Variants in THSD4 observed in about 807,000 individuals in gnomAD.
The protein encoded by THSD4 is thrombospondin type-1 domain-containing protein 4.
Under a neutral mutation model 119.0 loss-of-function variants are expected in THSD4, and 69 were observed. The ratio of observed to expected loss-of-function variants is 0.58; its 90% CI spans 0.48 to 0.71. The LOEUF (loss-of-function observed/expected upper bound fraction) is 0.71. Ranked by LOEUF, THSD4 falls within the 30% of genes least tolerant of loss-of-function variation. The pLI is 0.00. For missense variants in THSD4, 1,393 were observed against 1,391.1 expected (o/e 1.00, Z -0.02); for synonymous variants, 524 against 540.4 (o/e 0.97, Z 0.42).
chr15:71,619,171 C>T (rs1028451376), intron 7 of THSD4, among the ~76,000 whole-genome samples: 12 of 151,706 alleles, frequency 7.9e-5, no homozygotes, highest in African/African-American at 1.9e-4. Flanking sequence ...GGGGTTTCAC[C>T]ATGTTGGCCA....
intron 6 of THSD4, chr15:71,341,662 T>C (rs373294747): frequency 1.3e-6 from 2 of 1,506,214 alleles, no homozygotes; most frequent in African/African-American, 2.7e-5. Flanking sequence ...TGGAACCTCT[T>C]GATTTGCCTG....
chr15:71,648,530 T>TTTG (rs199816918), intron 7 of THSD4, among the ~76,000 whole-genome samples: 3 of 152,334 alleles, frequency 2.0e-5, no homozygotes, highest in African/African-American at 4.8e-5. Flanking sequence ...CTTTAAGTTT[T>TTTG]TTGTTGTTGT....
At chr15:71,396,758 A>T (rs1405208666) in intron 6 of THSD4, among the ~76,000 whole-genome samples, 1 of 152,242 alleles carries the variant, frequency 6.6e-6, no homozygotes, top group African/African-American at 2.4e-5. Flanking sequence ...ATAACATTTT[A>T]AGATGTAACA....
intron 8 of THSD4, among the ~76,000 whole-genome samples, chr15:71,706,730 C>T (rs151042133): frequency 4.9e-4 from 74 of 152,234 alleles, no homozygotes; most frequent in Non-Finnish European, 7.9e-4. Context: ...ATGCTACCAA[C>T]GTGACATCTG....
intron 7 of THSD4, among the ~76,000 whole-genome samples, chr15:71,593,966 A>C (rs905499685): frequency 8.0e-5 from 12 of 150,124 alleles, no homozygotes; most frequent in Non-Finnish European, 1.6e-4. Flanking sequence ...GTTTGAAATC[A>C]CTAAGAATGG....
chr15:71,738,571 GT>G (rs1261186597), intron 11 of THSD4, among the ~76,000 whole-genome samples: 1 of 152,186 alleles, frequency 6.6e-6, no homozygotes, highest in Non-Finnish European at 1.5e-5. Context: ...AAAGGAAAAG[GT>G]GTGTTGGCAA....
intron 6 of THSD4, among the ~76,000 whole-genome samples, chr15:71,304,448 A>G (rs1241711964): frequency 1.2e-4 from 19 of 152,060 alleles, no homozygotes; most frequent in Admixed American, 1.2e-3. Flanking sequence ...TAGCATCTCT[A>G]TTCCAATGTA....
chr15:71,698,659 T>TAC (rs1244964448), intron 8 of THSD4, among the ~76,000 whole-genome samples: 2 of 149,280 alleles, frequency 1.3e-5, no homozygotes, highest in Non-Finnish European at 3.0e-5. Context: ...ATGAAATATA[T>TAC]ACATGCATGT....
chr15:71,679,667 G>A (rs570316950), intron 8 of THSD4, among the ~76,000 whole-genome samples: 95 of 152,338 alleles, frequency 6.2e-4, no homozygotes, highest in Admixed American at 2.0e-3. Flanking sequence ...TGACATTTGA[G>A]ACTGCAAATA....
At chr15:71,220,698 G>A (rs1252175942) in intron 4 of THSD4, among the ~76,000 whole-genome samples, 2 of 152,176 alleles carry the variant, frequency 1.3e-5, no homozygotes, top group East Asian at 3.9e-4. Context: ...GTACCAGTTA[G>A]AACTCAAGTG....
chr15:71,112,005 C>T (rs553474345), upstream of THSD4: 42 of 1,165,194 alleles, frequency 3.6e-5, no homozygotes, highest in Non-Finnish European at 4.8e-5. Flanking sequence ...ATAAGTTTCC[C>T]CCCAAAGGGT....
intron 7 of THSD4, among the ~76,000 whole-genome samples, chr15:71,631,343 A>G (rs2050625644): frequency 6.6e-6 from 1 of 152,212 alleles, no homozygotes; most frequent in Non-Finnish European, 1.5e-5. Flanking sequence ...CATGACCTCC[A>G]TTGACAGAGG....
rs1399745362 is a variant in THSD4, at chr15:71,576,885, A to G, written c.1153-83645A>G. 2.0e-5 allele frequency among the ~76,000 whole-genome samples: 3 copies of G among 152,292 alleles called. 1 individual carries two copies. In the South Asian group the frequency reaches 6.2e-4, roughly 32 times the overall value. ...GCTTTGTTATACCCTTAAGCTTGAT[A>G]TCTTTTCTGTTTCCTGGTTTCTTCC... On this transcript the variant is annotated intron_variant, in intron 7 of 17. Coordinates refer to ENST00000261862, the MANE Select transcript of THSD4 (RefSeq NM_024817.3).
chr15:71,154,868 T>A lies in THSD4; in HGVS notation c.35T>A (p.Leu12Gln), dbSNP rs755391493. 6.2e-7 allele frequency: 1 copy of A among 1,614,182 alleles called. No homozygotes were observed. Among genetic ancestry groups the A allele is most frequent in the Non-Finnish European group, 8.5e-7 (1 of 1,180,024 alleles). The change falls in exon 3 of 18, where the codon CTG becomes CAG. Residue 12 changes from leucine (L) to glutamine (Q), a missense_variant. Physicochemically the swap from Leu to Gln is moderately radical, Grantham distance 113 (BLOSUM62 -2). Coordinates refer to ENST00000261862, the MANE Select transcript of THSD4 (RefSeq NM_024817.3). ...TTGCTATTTTCCCTTTTCAGTGTCC[T>A]GTGTTTCCTTCTGCTGCTTGGATTC... ...VSHFMGSLSV[L>Q]CFLLLLGFQF... is the part of the protein sequence containing the mutation.
intron 6 of THSD4, among the ~76,000 whole-genome samples, chr15:71,323,583 G>C (rs72761504): frequency 0.052 from 7,920 of 152,268 alleles, 219 homozygotes; most frequent in Non-Finnish European, 0.064. Context: ...GTGGGTGCCA[G>C]AGCAGATCCT....
chr15:71,517,421 T>A (rs776942654), intron 7 of THSD4, among the ~76,000 whole-genome samples: 30 of 152,220 alleles, frequency 2.0e-4, no homozygotes, highest in Non-Finnish European at 3.4e-4. Context: ...ATTCTAGCCC[T>A]CAGTCCTTTC....
chr15:71,645,182 G>A (rs912420110), intron 7 of THSD4, among the ~76,000 whole-genome samples: 1 of 152,118 alleles, frequency 6.6e-6, no homozygotes, highest in Non-Finnish European at 1.5e-5. Flanking sequence ...GTCTTGGGGT[G>A]TATTAGCCTG....
intron 6 of THSD4, among the ~76,000 whole-genome samples, chr15:71,395,914 G>GAGACACAC (rs535919434): frequency 0.034 from 4,559 of 133,244 alleles, 138 homozygotes; most frequent in African/African-American, 0.086. Flanking sequence ...TTTGAAGAGA[G>GAGACACAC]ACACACACAC....
At chr15:71,490,541 CAG>C (rs1426664930) in intron 7 of THSD4, among the ~76,000 whole-genome samples, 3 of 122,630 alleles carry the variant, frequency 2.4e-5, no homozygotes, top group African/African-American at 9.9e-5. Flanking sequence ...GCCTGGGTGA[CAG>C]AGCAAGACTC....
Sources: gnomAD v4.1 joint callset for allele counts (sites outside exome capture counted in the v4.1 genomes callset) on GRCh38, gnomAD v4.1.1 for gene constraint, MANE v1.5 for transcripts, NCBI Gene and HGNC (gene_info 2026-07-23, HGNC 2026-07-21) for gene names.